Variants in MYO9B observed in about 807,000 individuals in gnomAD.
The protein encoded by MYO9B is myosin IXB.
Under a neutral mutation model 229.5 loss-of-function variants are expected in MYO9B, and 71 were observed. The observed-to-expected ratio is 0.31, with a 90% CI of 0.26 to 0.38. MYO9B has a LOEUF of 0.38. Ranked by LOEUF, MYO9B falls within the 10% of genes least tolerant of loss-of-function variation. The pLI, the probability that MYO9B is intolerant of heterozygous loss-of-function variation, is 1.00. For synonymous variants in MYO9B, 1,185 were observed against 1,235.8 expected (o/e 0.96, Z 0.86); for missense variants, 2,255 against 2,920.5 (o/e 0.77, Z 5.25).
At chr19:17,091,135 C>T (rs1218443639) in intron 1 of MYO9B, among the ~76,000 whole-genome samples, 2 of 152,204 alleles carry the variant, frequency 1.3e-5, no homozygotes, top group East Asian at 3.9e-4. Flanking sequence ...TAGTATTTAA[C>T]AAAGGAGGCT....
chr19:17,096,448 C>T (rs900682557), intron 1 of MYO9B, among the ~76,000 whole-genome samples: 32 of 151,798 alleles, frequency 2.1e-4, no homozygotes, highest in Non-Finnish European at 4.0e-4. Context: ...AGGTGGAGTT[C>T]CAGACCAGCC....
chr19:17,205,234 C>A, intron 30 of MYO9B, 29 bp from the exon 31 acceptor site: 1 of 1,608,374 alleles, frequency 6.2e-7, no homozygotes. Flanking sequence ...CCAGCACCCT[C>A]TGTGACTCCC....
At position 17,172,729 on chromosome 19, in the gene MYO9B, G is replaced by A. The variant is rs140102275; in HGVS notation, c.1936-30G>A. The A allele has an allele frequency of 3.0e-5, 49 of 1,610,454 alleles. No individual in the cohort carries two copies. The highest frequency in any genetic ancestry group is 1.2e-4 in the African/African-American group (9 of 74,972). On this transcript the variant is annotated intron_variant, in intron 12 of 39. Coordinates refer to ENST00000682292, the MANE Select transcript of MYO9B (RefSeq NM_004145.4). The surrounding 1 kb of genome is among the most constrained non-coding windows in gnomAD (Gnocchi z 8.2). ...TAGGCGCCGGTGAGTGACTATCCCC[G>A]AGTGACCGCCCACATCCATCCCCCA...
intron 2 of MYO9B, among the ~76,000 whole-genome samples, chr19:17,120,638 C>CAAAAAAAAAAAAAAAAAAAAAAAAAA (rs59262657): frequency 1.1e-5 from 1 of 87,014 alleles, no homozygotes; most frequent in Non-Finnish European, 2.2e-5. Flanking sequence ...GACTCTGTCT[C>CAAAAAAAAAAAAAAAAAAAAAAAAAA]AAAAAAAAAA....
At chr19:17,105,980 C>A (rs1490409900) in intron 2 of MYO9B, among the ~76,000 whole-genome samples, 1 of 148,660 alleles carries the variant, frequency 6.7e-6, no homozygotes, top group Admixed American at 6.7e-5. Context: ...CCCCTCCCCT[C>A]CTCTCCCCTC....
At chr19:17,170,348 G>A (rs2072709352) in intron 11 of MYO9B, among the ~76,000 whole-genome samples, 1 of 152,140 alleles carries the variant, frequency 6.6e-6, no homozygotes, top group South Asian at 2.1e-4. Flanking sequence ...TGGACATATT[G>A]TCTTATCAGC....
chr19:17,078,653 G>A (rs967508887), intron 1 of MYO9B, among the ~76,000 whole-genome samples: 2 of 152,190 alleles, frequency 1.3e-5, no homozygotes, highest in African/African-American at 4.8e-5. Flanking sequence ...GCAAGCTTTA[G>A]GACAAGGGGG....
At chr19:17,162,583 T>C (rs1372116431) in intron 9 of MYO9B, 117 bp downstream of exon 9, 1 of 874,188 alleles carries the variant, frequency 1.1e-6, no homozygotes, top group African/African-American at 1.7e-5. Flanking sequence ...ATCAAGAGGC[T>C]GTTTCCCCAC....
chr19:17,206,931 A>C, intron 34 of MYO9B, 147 bp downstream of exon 34: 1 of 1,228,490 alleles, frequency 8.1e-7, no homozygotes, highest in Non-Finnish European at 1.2e-6. Context: ...GGAGGGGGCC[A>C]GGCTGCTGGG....
At chr19:17,091,478 A>G (rs950980885) in intron 1 of MYO9B, among the ~76,000 whole-genome samples, 1 of 152,194 alleles carries the variant, frequency 6.6e-6, no homozygotes, top group African/African-American at 2.4e-5. Context: ...AGGCCGAGGT[A>G]GGAGGGTCAC....
intron 13 of MYO9B, among the ~76,000 whole-genome samples, chr19:17,174,957 AAATT>A (rs1194831437): frequency 2.0e-5 from 3 of 151,330 alleles, no homozygotes; most frequent in Non-Finnish European, 4.4e-5. Context: ...AATAAATAAT[AAATT>A]AATTAATTAA....
chr19:17,203,087 A>G (rs2073125861), intron 29 of MYO9B, 60 bp from the exon 30 acceptor site: 1 of 1,455,912 alleles, frequency 6.9e-7, no homozygotes, highest in Non-Finnish European at 9.4e-7. Context: ...GTCATCCACC[A>G]GTGGCTGGGG....
rs749597376 is a variant in MYO9B at position 17,198,212 on chromosome 19, G to T, written c.4142G>T (p.Arg1381Leu). 3.1e-6 allele frequency: 5 copies of T among 1,613,798 alleles called. No individual in the cohort carries two copies. Among genetic ancestry groups the T allele is most frequent in the Non-Finnish European group, 4.2e-6 (5 of 1,179,890 alleles). The change falls in exon 24 of 40, where the codon CGA becomes CTA. Residue 1381 changes from arginine (R) to leucine (L), a missense_variant. Physicochemically the swap from Arg to Leu is moderately radical, Grantham distance 102. Around this residue, in one of 7 missense-constraint regions of MYO9B, gnomAD observed 679 missense variants for 770.2 expected, o/e 0.88. Transcript: ENST00000682292. ...GCAGCAGAAACCACGGACGGAGAGC[G>T]AAGTGCGAAAAAGCCAGCTGTCCAG... The part of the protein sequence containing the change: ...QPAAETTDGE[R>L]SAKKPAVQKK...
Position 17,102,416 on chromosome 19 carries a change from G to A in MYO9B, c.699G>A (p.Gln233=). 6.2e-7 allele frequency: 1 copy of A among 1,614,004 alleles called. No homozygotes were observed. The highest frequency in any genetic ancestry group is 1.6e-4 in the Middle Eastern group (1 of 6,062). The part of the protein sequence containing the change: ...YYTMLRKRVN[Q]CIVISGESGS... Reference sequence around the variant, plus strand: ...CCATGCTCAGGAAGCGCGTGAACCAGTGCATCGTGATCTCGGGTGAGAGCG... The same window carrying A: ...CCATGCTCAGGAAGCGCGTGAACCAATGCATCGTGATCTCGGGTGAGAGCG... The change falls in exon 2 of 40, where the codon CAG becomes CAA. Residue 233 remains glutamine, a synonymous_variant. Coordinates refer to ENST00000682292, the MANE Select transcript of MYO9B (RefSeq NM_004145.4).
chr19:17,076,588 C>G (rs144356536), intron 1 of MYO9B, among the ~76,000 whole-genome samples: 2 of 152,082 alleles, frequency 1.3e-5, no homozygotes, highest in Non-Finnish European at 2.9e-5. Context: ...TCCGTCCCCC[C>G]ACCCTCCCCT....
rs75184921 is a variant in MYO9B at position 17,205,347 on chromosome 19, G to C, written c.5064+11G>C. 5.1e-5 allele frequency: 83 copies of C among 1,612,408 alleles called. No individual in the cohort carries two copies. Among genetic ancestry groups the C allele is most frequent in the Admixed American group, 3.3e-5 (2 of 59,954 alleles). On this transcript the variant is annotated intron_variant, in intron 31 of 39. Transcript: ENST00000682292. The stretch of plus-strand genomic sequence containing the variant: ...ACCTACGGGAGGAAGGTGAGTGTAC[G>C]AGGCCTGGAACTTTCTACAATGACA...
chr19:17,108,321 G>A (rs2057812875), intron 2 of MYO9B, among the ~76,000 whole-genome samples: 1 of 152,138 alleles, frequency 6.6e-6, no homozygotes, highest in Non-Finnish European at 1.5e-5. Flanking sequence ...TGCTTCCTGG[G>A]GCGACTGTTT....
At chr19:17,134,080 T>G (rs973448912) in intron 2 of MYO9B, among the ~76,000 whole-genome samples, 3 of 151,060 alleles carry the variant, frequency 2.0e-5, no homozygotes, top group Non-Finnish European at 3.0e-5. Flanking sequence ...CTTCTGTGAG[T>G]TTTTTTTTGG....
intron 16 of MYO9B, 94 bp from the exon 17 acceptor site, chr19:17,184,771 G>C: frequency 6.5e-7 from 1 of 1,542,034 alleles, no homozygotes; most frequent in Non-Finnish European, 8.8e-7. Flanking sequence ...CTGCGGGGAC[G>C]CTGTTCTGCC....
Sources: gnomAD v4.1 joint callset for allele counts (sites outside exome capture counted in the v4.1 genomes callset) on GRCh38, gnomAD v4.1.1 for gene constraint, gnomAD v4.1.1 regional missense constraint, Gnocchi (gnomAD v3.1) non-coding constraint, MANE v1.5 for transcripts, NCBI Gene and HGNC (gene_info 2026-07-23, HGNC 2026-07-21) for gene names.